The following CAST variants were observed in gnomAD, a reference collection of about 807,000 sequenced individuals.
CAST encodes calpastatin.
CAST carries 76 observed loss-of-function variants against 119.6 expected under a neutral mutation model. That is an observed-to-expected ratio of 0.64 (90% CI 0.53 to 0.77). The LOEUF (loss-of-function observed/expected upper bound fraction) is 0.77. Among genes scored for constraint, CAST ranks in the 30% least tolerant of loss-of-function variants. The probability of loss-of-function intolerance (pLI) is 0.00; values close to 1 mark genes in which losing one functional copy is unlikely to be tolerated. For missense variants in CAST, 953 were observed against 946.5 expected (o/e 1.01, Z -0.09); for synonymous variants, 319 against 331.6 (o/e 0.96, Z 0.41).
the CAST span, among the ~76,000 whole-genome samples, chr5:96,345,244 C>A: frequency 6.6e-6 from 1 of 151,772 alleles, no homozygotes; most frequent in African/African-American, 2.4e-5. Context: ...AAAAGAGCTT[C>A]TTAACCTAAT....
chr5:96,423,202 A>G, the CAST span: 5 of 1,050,088 alleles, frequency 4.8e-6, no homozygotes, highest in African/African-American at 7.9e-5. Flanking sequence ...TTGGCCCATA[A>G]TCCCAGGGAC....
the CAST span, among the ~76,000 whole-genome samples, chr5:96,136,409 C>T: frequency 6.6e-6 from 1 of 152,012 alleles, no homozygotes; most frequent in Non-Finnish European, 1.5e-5. Flanking sequence ...ACTAAAGATA[C>T]TCCAGGCTCA....
intron 1 of CAST, among the ~76,000 whole-genome samples, chr5:96,583,633 T>C (rs75543793): frequency 0.011 from 1,601 of 152,306 alleles, 29 homozygotes; most frequent in African/African-American, 0.036. Flanking sequence ...ATGATAAGCA[T>C]TCCACAAATG....
At chr5:96,418,304 A>G in the CAST span, among the ~76,000 whole-genome samples, 1 of 152,214 alleles carries the variant, frequency 6.6e-6, no homozygotes, top group Non-Finnish European at 1.5e-5. Context: ...TCTTAGAACA[A>G]TGGTAGTAAC....
chr5:96,726,747 C>A, intron 4 of CAST, 47 bp from the exon 5 acceptor site: 2 of 1,322,476 alleles, frequency 1.5e-6, no homozygotes, highest in Non-Finnish European at 1.1e-6. Flanking sequence ...ACTTATTTGA[C>A]TGACAGATAA....
chr5:96,323,812 T>C, the CAST span, among the ~76,000 whole-genome samples: 7 of 152,234 alleles, frequency 4.6e-5, no homozygotes, highest in African/African-American at 1.7e-4. Flanking sequence ...CCAGGGGCCC[T>C]GAAGAGAAGT....
At chr5:96,627,889 G>A (rs1387427980) in intron 1 of CAST, among the ~76,000 whole-genome samples, 2 of 152,174 alleles carry the variant, frequency 1.3e-5, no homozygotes, top group Non-Finnish European at 2.9e-5. Flanking sequence ...GCCTTTATTT[G>A]CCATGCTTTC....
At chr5:96,536,536 T>C (rs1745818137) in intron 1 of CAST, among the ~76,000 whole-genome samples, 1 of 152,130 alleles carries the variant, frequency 6.6e-6, no homozygotes, top group Non-Finnish European at 1.5e-5. Context: ...AGAGGATTAA[T>C]AGGCGCATAG....
chr5:96,685,899 G>A (rs541474708), intron 2 of CAST, among the ~76,000 whole-genome samples: 1 of 152,316 alleles, frequency 6.6e-6, no homozygotes, highest in South Asian at 2.1e-4. Flanking sequence ...TAATTCTTGT[G>A]GAGTGCATAG....
At chr5:96,010,027 C>T in the CAST span, among the ~76,000 whole-genome samples, 5,696 of 152,158 alleles carry the variant, frequency 0.037, 171 homozygotes, top group Admixed American at 0.077. Context: ...CCAGTTATCC[C>T]GGCACCGTTT....
At chr5:96,011,179 C>T in the CAST span, among the ~76,000 whole-genome samples, 1 of 152,142 alleles carries the variant, frequency 6.6e-6, no homozygotes, top group South Asian at 2.1e-4. Context: ...TTACAATGGA[C>T]TTTTTGATTA....
At chr5:96,560,679 G>A (rs368384156) in intron 1 of CAST, among the ~76,000 whole-genome samples, 3,383 of 151,918 alleles carry the variant, frequency 0.022, 42 homozygotes, top group Non-Finnish European at 0.035. Flanking sequence ...TTAGAATGGC[G>A]ATCATTAAAA....
At chr5:96,587,763 C>G (rs931090042) in intron 1 of CAST, among the ~76,000 whole-genome samples, 1 of 152,142 alleles carries the variant, frequency 6.6e-6, no homozygotes, top group Non-Finnish European at 1.5e-5. Flanking sequence ...CATTGAAGAT[C>G]AACAAATTCC....
chr5:96,177,471 T>C, the CAST span, among the ~76,000 whole-genome samples: 1 of 152,300 alleles, frequency 6.6e-6, no homozygotes, highest in East Asian at 1.9e-4. Flanking sequence ...AATTACTGCA[T>C]TTTCAGAGAC....
chr5:96,043,622 T>C, the CAST span, among the ~76,000 whole-genome samples: 2 of 152,322 alleles, frequency 1.3e-5, no homozygotes, highest in South Asian at 4.1e-4. Flanking sequence ...TAGTCTCCCA[T>C]TAACATCTAG....
At chr5:96,091,195 T>C in the CAST span, among the ~76,000 whole-genome samples, 679 of 151,648 alleles carry the variant, frequency 4.5e-3, 6 homozygotes, top group African/African-American at 0.016. Flanking sequence ...GGCATGTTAC[T>C]GAATCTCTCT....
the CAST span, among the ~76,000 whole-genome samples, chr5:96,484,814 A>G: frequency 2.0e-5 from 3 of 152,130 alleles, no homozygotes; most frequent in African/African-American, 7.2e-5. Context: ...TGCTCTGCCA[A>G]TTAATGCTAC....
At chr5:96,543,603 T>A in intron 1 of CAST, among the ~76,000 whole-genome samples, 1 of 152,166 alleles carries the variant, frequency 6.6e-6, no homozygotes, top group East Asian at 1.9e-4. Flanking sequence ...TTTTAATAAG[T>A]CCAACTAATC....
At chr5:96,264,812 CTTTCA>C in the CAST span, among the ~76,000 whole-genome samples, 1 of 152,166 alleles carries the variant, frequency 6.6e-6, no homozygotes, top group African/African-American at 2.4e-5. Context: ...TATCTGGCTT[CTTTCA>C]TTTGACTCCA....
Sources: gnomAD v4.1 joint callset for allele counts (sites outside exome capture counted in the v4.1 genomes callset) on GRCh38, gnomAD v4.1.1 for gene constraint, MANE v1.5 for transcripts, NCBI Gene and HGNC (gene_info 2026-07-23, HGNC 2026-07-21) for gene names.